KIAA0408: variants seen among roughly 807,000 people sequenced by gnomAD.
The protein encoded by KIAA0408 is KIAA0408, also known as uncharacterized protein KIAA0408.
A neutral mutation model predicts 60.9 loss-of-function variants in KIAA0408; 51 were observed. That is an observed-to-expected ratio of 0.84 (90% CI 0.67 to 1.06). The LOEUF is 1.06. Among genes scored for constraint, KIAA0408 ranks in the 50% least tolerant of loss-of-function variants. The probability of loss-of-function intolerance (pLI) is 0.00; values close to 1 mark genes in which losing one functional copy is unlikely to be tolerated. For synonymous variants in KIAA0408, 304 were observed against 282.4 expected (o/e 1.08, Z -0.77); for missense variants, 787 against 833.9 (o/e 0.94, Z 0.69).
chr6:127,439,571 T>C lies in KIAA0408; in HGVS notation c.*4538A>G, dbSNP rs1385704798. The C allele has an allele frequency of 6.6e-6, 1 of 151,636 alleles. No homozygotes were observed. Among genetic ancestry groups the C allele is most frequent in the Non-Finnish European group, 1.5e-5 (1 of 67,962 alleles). 9.4% of individuals were successfully genotyped at this position (151,636 alleles called of 1,614,324 possible). On this transcript the variant is annotated 3_prime_UTR_variant, in exon 6 of 6. Transcript: ENST00000483725. ...AGAGCAAGATAAACAATTTGTGTCATGTATAAAATGAACAAAACAAAAATG... is the reference window on the plus strand; with the variant it reads ...AGAGCAAGATAAACAATTTGTGTCACGTATAAAATGAACAAAACAAAAATG...
chr6:127,446,238 C>T (rs570400045), intron 5 of KIAA0408, among the ~76,000 whole-genome samples, 170 bp downstream of exon 5: 103 of 152,288 alleles, frequency 6.8e-4, no homozygotes, highest in African/African-American at 2.2e-3. Context: ...TTAAAAACTA[C>T]ACCTTCAAGG....
chr6:127,450,096 C>G lies in KIAA0408; in HGVS notation c.392G>C (p.Gly131Ala), dbSNP rs1773275063. 6.2e-7 allele frequency: 1 copy of G among 1,614,114 alleles called. No homozygotes were observed. Among genetic ancestry groups the G allele is most frequent in the Non-Finnish European group, 8.5e-7 (1 of 1,179,988 alleles). ...GTCTGTAGCCAAAGGATCCAAAAACCCTACTTTTGATTTTTTTGTTGCTTT... is the reference window on the plus strand; with the variant it reads ...GTCTGTAGCCAAAGGATCCAAAAACGCTACTTTTGATTTTTTTGTTGCTTT... ...EQKATKKSKV[G>A]FLDPLATDNQ... The change falls in exon 3 of 6, where the codon GGG becomes GCG. Residue 131 changes from glycine (G) to alanine (A), a missense_variant. Transcript: ENST00000483725.
rs940454879 is a variant in KIAA0408 at position 127,446,443 on chromosome 6, C to T, written c.1876G>A (p.Val626Met). 4 of 1,612,510 alleles carry T rather than the reference C, an allele frequency of 2.5e-6. No individual in the cohort carries two copies. Among genetic ancestry groups the T allele is most frequent in the Middle Eastern group, 1.7e-4 (1 of 6,054 alleles). Reference protein sequence around the residue: ...QKTAVWGGQEVKQGIDPKKIT... With the variant: ...QKTAVWGGQEMKQGIDPKKIT... Reference sequence around the variant, plus strand: ...TTTTTCGGATCTATTCCTTGCTTCACTTCCTGTCCCCCCCACACAGCTGTC... The same window carrying T: ...TTTTTCGGATCTATTCCTTGCTTCATTTCCTGTCCCCCCCACACAGCTGTC... The change falls in exon 5 of 6, where the codon GTG (valine) becomes ATG (methionine). Residue 626 changes from valine (V) to methionine (M), a missense_variant. Around this residue, in one of 3 missense-constraint regions of KIAA0408, gnomAD observed 133 missense variants for 119.2 expected, o/e 1.12. Transcript: ENST00000483725.
intron 2 of KIAA0408, among the ~76,000 whole-genome samples, chr6:127,451,779 T>A (rs1773306635): frequency 6.6e-6 from 1 of 152,174 alleles, no homozygotes; most frequent in Non-Finnish European, 1.5e-5. Context: ...ATATCATACC[T>A]AATTTTATGC....
At chr6:127,444,454 C>T (rs191714917) in intron 5 of KIAA0408, among the ~76,000 whole-genome samples, 172 bp from the exon 6 acceptor site, 3 of 152,214 alleles carry the variant, frequency 2.0e-5, no homozygotes, top group Admixed American at 2.0e-4. Context: ...TGTTTTAAAG[C>T]AATTCAATTT....
intron 2 of KIAA0408, among the ~76,000 whole-genome samples, chr6:127,451,787 T>C (rs1458246212): frequency 6.6e-6 from 1 of 152,156 alleles, no homozygotes; most frequent in Admixed American, 6.6e-5. Flanking sequence ...CCTAATTTTA[T>C]GCCATCTTAA....
Position 127,442,640 on chromosome 6 carries a change from T to A in KIAA0408, c.*1469A>T, listed in dbSNP as rs1773124210. 6.6e-6 allele frequency: 1 copy of A among 152,172 alleles called. No individual in the cohort carries two copies. The highest frequency in any genetic ancestry group is 1.5e-5 in the Non-Finnish European group (1 of 68,018). The allele number at this position is 152,172 out of a possible 1,614,324, so 9.4% of individuals were successfully genotyped here. On this transcript the variant is annotated 3_prime_UTR_variant, in exon 6 of 6. Coordinates refer to ENST00000483725, the MANE Select transcript of KIAA0408 (RefSeq NM_014702.5). ...TTCAAGGAAGTCTGCAATTTGAAAA[T>A]TATTTTCTTTACCTCAGGTCATGGG...
In KIAA0408 at chr6:127,443,596, C is replaced by T. The variant is rs1343143375; in HGVS notation, c.*513G>A. 6.6e-6 allele frequency: 1 copy of T among 152,198 alleles called. No individual in the cohort carries two copies. The highest frequency in any genetic ancestry group is 1.5e-5 in the Non-Finnish European group (1 of 68,154). 9.4% of individuals were successfully genotyped at this position (152,198 alleles called of 1,614,324 possible). ...TGTAGCTGGGGGCCAAGGAAGTGGT[C>T]AATTAATATTTGTACTGCAAATGCC... On this transcript the variant is annotated 3_prime_UTR_variant, in exon 6 of 6. Coordinates refer to ENST00000483725, the MANE Select transcript of KIAA0408 (RefSeq NM_014702.5).
chr6:127,455,869 A>G (rs1157495293), intron 1 of KIAA0408, among the ~76,000 whole-genome samples: 3 of 152,138 alleles, frequency 2.0e-5, no homozygotes. Context: ...TTGCCATAAT[A>G]AATGTCAGTG....
At position 127,446,192 on chromosome 6, in the gene KIAA0408, G is replaced by C. The variant is rs375380114; in HGVS notation, c.1911+216C>G. Among the ~76,000 whole-genome samples, 86 of 152,160 alleles carry C rather than the reference G, an allele frequency of 5.7e-4. No homozygotes were observed. The South Asian group carries it at 0.017, about 30-fold the overall frequency. On this transcript the variant is annotated intron_variant, in intron 5 of 5. Coordinates refer to ENST00000483725, the MANE Select transcript of KIAA0408 (RefSeq NM_014702.5). ...ACTGTATTTATGTTATCCCATTTCAGAATTTTTCAAAAGTTACAATGTACT... is the reference window on the plus strand; with the variant it reads ...ACTGTATTTATGTTATCCCATTTCACAATTTTTCAAAAGTTACAATGTACT...
At chr6:127,444,727 G>A (rs1489242744) in intron 5 of KIAA0408, among the ~76,000 whole-genome samples, 1 of 150,774 alleles carries the variant, frequency 6.6e-6, no homozygotes, top group African/African-American at 2.4e-5. Flanking sequence ...TACGCAAAAG[G>A]CACACAAACC....
At position 127,447,795 on chromosome 6, in the gene KIAA0408, T is replaced by C. The variant is rs142302496; in HGVS notation, c.579-55A>G. ...TTATAACTTTATTTAGAATAAGCTC[T>C]CAAAAGCAAACATAGCTAAAGCAAT... On this transcript the variant is annotated intron_variant, in intron 4 of 5. Coordinates refer to ENST00000483725, the MANE Select transcript of KIAA0408 (RefSeq NM_014702.5). The C allele has an allele frequency of 8.8e-4, 1,285 of 1,456,912 alleles. 14 individuals are homozygous for C. Among genetic ancestry groups the C allele is most frequent in the Non-Finnish European group, 7.0e-5 (77 of 1,105,722 alleles). The allele number at this position is 1,456,912 out of a possible 1,614,324, so 90.2% of individuals were successfully genotyped here.
In KIAA0408 at chr6:127,447,075, A is replaced by C. The variant is rs1447462142; in HGVS notation, c.1244T>G (p.Val415Gly). The C allele has an allele frequency of 6.2e-7, 1 of 1,613,880 alleles. No homozygotes were observed. The highest frequency in any genetic ancestry group is 8.5e-7 in the Non-Finnish European group (1 of 1,179,960). Residue 415 changes from valine to glycine, a missense_variant, in exon 5 of 6, where the codon GTA (valine) becomes GGA (glycine). Physicochemically the swap from Val to Gly is moderately radical, Grantham distance 109. Coordinates refer to ENST00000483725, the MANE Select transcript of KIAA0408 (RefSeq NM_014702.5). The stretch of plus-strand genomic sequence containing the variant: ...TCTAAGTGGGCTACTGCTCTCTGCT[A>C]CTGAGGAGCTACAGTCATTACTTAC... Reference protein sequence around the residue: ...LHVSNDCSSSVAESSSPLRNF... With the variant: ...LHVSNDCSSSGAESSSPLRNF...
At position 127,446,621 on chromosome 6, in the gene KIAA0408, C is replaced by T. The variant is rs776107466; in HGVS notation, c.1698G>A (p.Leu566=). 6 of 1,614,122 alleles carry T rather than the reference C, an allele frequency of 3.7e-6. No individual in the cohort carries two copies. In the South Asian group the frequency reaches 6.6e-5, roughly 18 times the overall value. ...PRSNYGVVEK[L]LKTYETATES... is the part of the protein sequence containing the mutation. ...CTGTTGCTGTCTCATAGGTTTTCAG[C>T]AGCTTTTCCACAACACCATAATTTG... Residue 566 remains leucine (L), a synonymous_variant, in exon 5 of 6, where the codon CTG becomes CTA. Transcript: ENST00000483725.
Position 127,443,917 on chromosome 6 carries a change from A to C in KIAA0408, c.*192T>G. ...TTGGAAAACTAATGAGGATGGCATTAAAAAATTCTGATCTAAGAAATCAAA... is the reference window on the plus strand; with the variant it reads ...TTGGAAAACTAATGAGGATGGCATTCAAAAATTCTGATCTAAGAAATCAAA... On this transcript the variant is annotated 3_prime_UTR_variant, in exon 6 of 6. Coordinates refer to ENST00000483725, the MANE Select transcript of KIAA0408 (RefSeq NM_014702.5). 1 of 566,610 alleles carries C rather than the reference A, an allele frequency of 1.8e-6. No individual in the cohort carries two copies. The highest frequency in any genetic ancestry group is 2.2e-5 in the South Asian group (1 of 46,338). The allele number at this position is 566,610 out of a possible 1,614,324, so 35.1% of individuals were successfully genotyped here.
Position 127,446,771 on chromosome 6 carries a change from G to A in KIAA0408, c.1548C>T (p.Ser516=), listed in dbSNP as rs780270394. The A allele has an allele frequency of 6.2e-7, 1 of 1,613,974 alleles. No individual in the cohort carries two copies. The highest frequency in any genetic ancestry group is 1.1e-5 in the South Asian group (1 of 91,062). ...GCATTTGTCTTACTAGGCCTGTTGT[G>A]GATTTCTTGGTGGGATTATCAGGCA... ...ENVPDNPTKK[S]TTGLVRQMQG... The change falls in exon 5 of 6, where the codon TCC becomes TCT. Residue 516 remains serine, a synonymous_variant. Transcript: ENST00000483725.
At chr6:127,459,087 T>A (rs1196938199) in intron 1 of KIAA0408, 88 bp downstream of exon 1, 2 of 152,164 alleles carry the variant, frequency 1.3e-5, no homozygotes, top group Admixed American at 1.3e-4. Flanking sequence ...TTAAACAGTA[T>A]CCATAGTTTA....
At position 127,441,706 on chromosome 6, in the gene KIAA0408, A is replaced by G. The variant is rs1392375520; in HGVS notation, c.*2403T>C. On this transcript the variant is annotated 3_prime_UTR_variant, in exon 6 of 6. Coordinates refer to ENST00000483725, the MANE Select transcript of KIAA0408 (RefSeq NM_014702.5). ...CAGTTAAAAATCACAAAACATCAAA[A>G]ACTATTTTCAAGGATTATTTCCATT... 1 of 152,194 alleles carries G rather than the reference A, an allele frequency of 6.6e-6. No individual in the cohort carries two copies. The highest frequency in any genetic ancestry group is 1.5e-5 in the Non-Finnish European group (1 of 68,034). The allele number at this position is 152,194 out of a possible 1,614,324, so 9.4% of individuals were successfully genotyped here.
chr6:127,444,383 A>G (rs535721908), intron 5 of KIAA0408, 101 bp from the exon 6 acceptor site: 60 of 934,788 alleles, frequency 6.4e-5, no homozygotes, highest in Middle Eastern at 3.1e-4. Context: ...TAGTAAATTT[A>G]CAAGAAAGAA....
Sources: allele counts gnomAD v4.1 joint callset (sites outside exome capture counted in the v4.1 genomes callset), GRCh38; gene constraint gnomAD v4.1.1; regional missense constraint gnomAD v4.1.1; transcripts MANE v1.5; gene names NCBI Gene and HGNC (gene_info 2026-07-23, HGNC 2026-07-21).